DLGAP3: variants seen among roughly 807,000 people sequenced by gnomAD.
The protein encoded by DLGAP3 is DLG associated protein 3, also known as disks large-associated protein 3.
DLGAP3 carries 17 observed loss-of-function variants against 81.2 expected under a neutral mutation model. The ratio of observed to expected loss-of-function variants is 0.21; its 90% CI spans 0.14 to 0.31. The LOEUF is 0.31. Among genes scored for constraint, DLGAP3 ranks in the 10% least tolerant of loss-of-function variants. DLGAP3 has a pLI of 1.00. For missense variants in DLGAP3, 1,124 were observed against 1,388.0 expected (o/e 0.81, Z 3.02); for synonymous variants, 577 against 587.4 (o/e 0.98, Z 0.26).
intron 8 of DLGAP3, among the ~76,000 whole-genome samples, chr1:34,875,995 G>T (rs986954493): frequency 1.3e-5 from 2 of 152,262 alleles, no homozygotes; most frequent in African/African-American, 4.8e-5. Flanking sequence ...CGGCACAGCG[G>T]CTACATCATT....
At chr1:34,870,521 A>T (rs1334188435) in intron 8 of DLGAP3, among the ~76,000 whole-genome samples, 1 of 149,480 alleles carries the variant, frequency 6.7e-6, no homozygotes, top group African/African-American at 2.5e-5. Flanking sequence ...CTGCCTGCCT[A>T]CTTCTCTCCA....
At chr1:34,886,023 G>A in intron 6 of DLGAP3, 49 bp downstream of exon 6, 5 of 1,531,334 alleles carry the variant, frequency 3.3e-6, no homozygotes, top group Non-Finnish European at 4.4e-6. Flanking sequence ...CCCGGACCCA[G>A]GGCGCTCTCC....
chr1:34,905,062 G>T lies in DLGAP3; in HGVS notation c.322C>A (p.His108Asn). The T allele has an allele frequency of 6.3e-7, 1 of 1,597,470 alleles. No homozygotes were observed. Among genetic ancestry groups the T allele is most frequent in the South Asian group, 1.1e-5 (1 of 88,838 alleles). Residue 108 changes from histidine to asparagine, a missense_variant, in exon 3 of 12, where the codon CAC becomes AAC. By Grantham distance (68) the His-to-Asn change is moderately conservative (BLOSUM62 1). Around this residue, in one of 9 missense-constraint regions of DLGAP3, gnomAD observed 167 missense variants for 172.1 expected, o/e 0.97. Coordinates refer to ENST00000373347, the MANE Select transcript of DLGAP3 (RefSeq NM_001080418.3). ...PFDTCEDCVG[H>N]PQGKGAPRLP... ...CGGGGGGCACCCTTGCCCTGTGGGT[G>T]GCCCACACAGTCTTCACAGGTGTCG... is the stretch of plus-strand genomic sequence containing the variant.
chr1:34,911,022 A>ACCCCCCCC (rs58074971), intron 1 of DLGAP3, among the ~76,000 whole-genome samples: 41 of 131,930 alleles, frequency 3.1e-4, no homozygotes, highest in Admixed American at 6.5e-4. Context: ...GATATTATCC[A>ACCCCCCCC]CCCCCCCCCC....
rs1403336306 is a variant in DLGAP3 at position 34,867,679 on chromosome 1, G to C, written c.2486-52C>G. On this transcript the variant is annotated intron_variant, in intron 9 of 11. Transcript: ENST00000373347. This position sits in a 1 kb window ranked among gnomAD's most constrained non-coding sequence, Gnocchi z 4.3. ...GGGAAATGATGCATCTCCTTCCCCA[G>C]CCTCCACGAAGTCTGCCCTGAATGA... 2 of 1,459,696 alleles carry C rather than the reference G, an allele frequency of 1.4e-6. No homozygotes were observed. The highest frequency in any genetic ancestry group is 1.9e-6 in the Non-Finnish European group (2 of 1,042,248). 90.4% of individuals were successfully genotyped at this position (1,459,696 alleles called of 1,614,324 possible). A position where few individuals can be genotyped will look rare whatever the true frequency, so the allele number is the denominator to read the frequency against.
In DLGAP3 at chr1:34,868,699, C is replaced by A; in HGVS notation, c.2391G>T (p.Trp797Cys). 6.2e-7 allele frequency: 1 copy of A among 1,611,824 alleles called. No homozygotes were observed. The highest frequency in any genetic ancestry group is 1.1e-5 in the South Asian group (1 of 91,090). ...CCTCTGCCCGCAGCATCTTGATGAA[C>A]CACTCGCCGTCGCGTGGGCAGGGGG... ...RASPCPRDGE[W>C]FIKMLRAEVE... The change falls in exon 9 of 12, where the codon TGG becomes TGT. Residue 797 changes from tryptophan to cysteine, a missense_variant. Transcript: ENST00000373347. The surrounding 1 kb of genome is among the most constrained non-coding windows in gnomAD (Gnocchi z 7.5).
At chr1:34,922,887 G>T (rs1478676685) in intron 1 of DLGAP3, among the ~76,000 whole-genome samples, 3 of 151,730 alleles carry the variant, frequency 2.0e-5, no homozygotes, top group Non-Finnish European at 4.4e-5. Flanking sequence ...AGTTGTTCCT[G>T]TTATCAATGA....
At chr1:34,925,697 C>T (rs1008867092) in intron 1 of DLGAP3, among the ~76,000 whole-genome samples, 1 of 152,074 alleles carries the variant, frequency 6.6e-6, no homozygotes, top group Non-Finnish European at 1.5e-5. Context: ...AAAGAACAGA[C>T]AGTGAGGGGG....
At chr1:34,874,293 TA>T (rs1159823717) in intron 8 of DLGAP3, among the ~76,000 whole-genome samples, 5 of 152,208 alleles carry the variant, frequency 3.3e-5, no homozygotes, top group African/African-American at 1.2e-4. Flanking sequence ...AAGAGAGAAA[TA>T]AACTTCTATC....
Position 34,896,763 on chromosome 1 carries a change from T to A in DLGAP3, c.1386+2906A>T, listed in dbSNP as rs149277880. Among the ~76,000 whole-genome samples the A allele has an allele frequency of 5.1e-3, 772 of 152,124 alleles. 8 individuals are homozygous for A. Among genetic ancestry groups the A allele is most frequent in the African/African-American group, 0.018 (740 of 41,482 alleles). The stretch of plus-strand genomic sequence containing the variant: ...ACAATATATAACTATTAAACCAGTG[T>A]GGGATTTGGTGGGGAGAAGAATAAA... On this transcript the variant is annotated intron_variant, in intron 5 of 11. Coordinates refer to ENST00000373347, the MANE Select transcript of DLGAP3 (RefSeq NM_001080418.3).
At chr1:34,898,108 T>C (rs4372214) in intron 5 of DLGAP3, among the ~76,000 whole-genome samples, 38,622 of 152,152 alleles carry the variant, frequency 0.25, 6,917 homozygotes, top group East Asian at 0.93. Context: ...GTTAGACATA[T>C]ATGCCTGGCA....
chr1:34,866,317 C>T lies in DLGAP3; in HGVS notation c.2722-16G>A. 6.7e-7 allele frequency: 1 copy of T among 1,498,710 alleles called. No homozygotes were observed. The highest frequency in any genetic ancestry group is 2.5e-5 in the East Asian group (1 of 40,106). 92.8% of individuals were successfully genotyped at this position (1,498,710 alleles called of 1,614,324 possible). On this transcript the variant is annotated splice_polypyrimidine_tract_variant and intron_variant, in intron 11 of 11. Coordinates refer to ENST00000373347, the MANE Select transcript of DLGAP3 (RefSeq NM_001080418.3). ...TCTTCTCCTCCTGCGGGGCAGAGGG[C>T]GTCGCTGAGCTGGGGCGCCGAACCA... is the stretch of plus-strand genomic sequence containing the variant.
At chr1:34,898,794 C>T (rs374112079) in intron 5 of DLGAP3, among the ~76,000 whole-genome samples, 3 of 152,144 alleles carry the variant, frequency 2.0e-5, no homozygotes, top group Non-Finnish European at 4.4e-5. Flanking sequence ...CTGCTGCTTC[C>T]GTCTAATTAA....
Position 34,905,372 on chromosome 1 carries a change from G to A in DLGAP3, c.12C>T (p.Tyr4=), listed in dbSNP as rs1394715525. Residue 4 remains tyrosine (Y), a synonymous_variant, in exon 3 of 12, where the codon TAC becomes TAT. Transcript: ENST00000373347. MRG[Y]HGDRGSHPRP... is the part of the protein sequence containing the mutation. ...GGGGATGGCTGCCTCGGTCGCCATG[G>A]TAACCCCTCATGGCCTCAGCAAAGG... 1.3e-6 allele frequency: 2 copies of A among 1,553,830 alleles called. No homozygotes were observed. The highest frequency in any genetic ancestry group is 2.4e-5 in the East Asian group (1 of 41,282).
In DLGAP3 at chr1:34,885,806, C is replaced by T. The variant is rs1215406999; in HGVS notation, c.1601-15G>A. The T allele has an allele frequency of 3.6e-6, 5 of 1,395,988 alleles. No individual in the cohort carries two copies. In the East Asian group the frequency reaches 1.1e-4, roughly 30 times the overall value. The allele number at this position is 1,395,988 out of a possible 1,614,324, so 86.5% of individuals were successfully genotyped here. A position where few individuals can be genotyped will look rare whatever the true frequency, so the allele number is the denominator to read the frequency against. ...GAAGTTGAAGGCTGTGGCCGGCGAG[C>T]GCAGAGACGCAGTGGGTGAGGCTCG... On this transcript the variant is annotated splice_polypyrimidine_tract_variant and intron_variant, in intron 6 of 11. Transcript: ENST00000373347.
chr1:34,888,440 T>C (rs188278556), intron 5 of DLGAP3, among the ~76,000 whole-genome samples: 2 of 152,264 alleles, frequency 1.3e-5, no homozygotes, highest in East Asian at 3.9e-4. Context: ...GGGGAGCTTG[T>C]TAAACCTACA....
intron 5 of DLGAP3, among the ~76,000 whole-genome samples, chr1:34,892,315 A>C (rs949402271): frequency 6.6e-6 from 1 of 152,218 alleles, no homozygotes; most frequent in African/African-American, 2.4e-5. Flanking sequence ...AATGGAGAGA[A>C]AAAATATTAA....
At chr1:34,882,418 C>T (rs964923857) in intron 8 of DLGAP3, among the ~76,000 whole-genome samples, 1 of 152,096 alleles carries the variant, frequency 6.6e-6, no homozygotes, top group Non-Finnish European at 1.5e-5. Context: ...GCAGAGGTTG[C>T]AGTGAGCCGA....
In DLGAP3 at chr1:34,905,320, G is replaced by A; in HGVS notation, c.64C>T (p.His22Tyr). 3 of 1,563,560 alleles carry A rather than the reference G, an allele frequency of 1.9e-6. No individual in the cohort carries two copies. Among genetic ancestry groups the A allele is most frequent in the South Asian group, 1.2e-5 (1 of 84,946 alleles). ...PRPARFADQQ[H>Y]MDVGPAARAP... ...CTGGCAGCAGGGCCCACGTCCATATGCTGTTGGTCAGCAAAGCGGGCTGGG... is the reference window on the plus strand; with the variant it reads ...CTGGCAGCAGGGCCCACGTCCATATACTGTTGGTCAGCAAAGCGGGCTGGG... The change falls in exon 3 of 12, where the codon CAT becomes TAT. Residue 22 changes from histidine (H) to tyrosine (Y), a missense_variant. This residue lies in a region of DLGAP3 where 167 missense variants were observed against 172.1 expected (regional missense o/e 0.97). Coordinates refer to ENST00000373347, the MANE Select transcript of DLGAP3 (RefSeq NM_001080418.3).
Sources: allele counts gnomAD v4.1 joint callset (sites outside exome capture counted in the v4.1 genomes callset), GRCh38; gene constraint gnomAD v4.1.1; regional missense constraint gnomAD v4.1.1; non-coding constraint Gnocchi (gnomAD v3.1); transcripts MANE v1.5; gene names NCBI Gene and HGNC (gene_info 2026-07-23, HGNC 2026-07-21).